The following PRKAA2 variants were observed in gnomAD, a reference collection of about 807,000 sequenced individuals.
PRKAA2 encodes the protein 5'-AMP-activated protein kinase catalytic subunit alpha-2.
A neutral mutation model predicts 56.3 loss-of-function variants in PRKAA2; 40 were observed. The ratio of observed to expected loss-of-function variants is 0.71; its 90% confidence interval spans 0.55 to 0.92. PRKAA2 has a LOEUF of 0.92. Among genes scored for constraint, PRKAA2 ranks in the 40% least tolerant of loss-of-function variants. The pLI is 0.00. For missense variants in PRKAA2, 542 were observed against 686.9 expected, an observed-to-expected ratio of 0.79 and a Z score of 2.36; for synonymous variants, 214 against 234.2, an observed-to-expected ratio of 0.91 and a Z score of 0.79.
At chr1:56,669,747 A>G (rs1380050582) in intron 1 of PRKAA2, among the ~76,000 whole-genome samples, 1 of 152,208 alleles carries the variant, frequency 6.6e-6, no homozygotes, top group East Asian at 1.9e-4. Flanking sequence ...GAAAAAAAGT[A>G]TATTCAGCAT....
intron 1 of PRKAA2, among the ~76,000 whole-genome samples, chr1:56,645,861 G>T (rs1325503611): frequency 6.6e-6 from 1 of 152,218 alleles, no homozygotes; most frequent in Non-Finnish European, 1.5e-5. Context: ...TGAGCCTGTA[G>T]GCTTAGGGCG....
chr1:56,665,894 C>T (rs1644032619), intron 1 of PRKAA2, among the ~76,000 whole-genome samples: 1 of 152,148 alleles, frequency 6.6e-6, no homozygotes, highest in African/African-American at 2.4e-5. Context: ...ATGCCCGGAC[C>T]TTGACTAAAT....
chr1:56,656,998 C>A (rs1643949534), intron 1 of PRKAA2, among the ~76,000 whole-genome samples: 2 of 152,104 alleles, frequency 1.3e-5, no homozygotes, highest in South Asian at 4.1e-4. Context: ...GAGATAATGG[C>A]AGAAAGTATT....
intron 1 of PRKAA2, among the ~76,000 whole-genome samples, chr1:56,658,512 T>C (rs1473248448): frequency 2.0e-5 from 3 of 151,730 alleles, no homozygotes; most frequent in African/African-American, 4.8e-5. Context: ...TGTTAAAGAG[T>C]CTACTGAATG....
At chr1:56,684,121 A>C (rs1644174698) in intron 2 of PRKAA2, among the ~76,000 whole-genome samples, 1 of 152,118 alleles carries the variant, frequency 6.6e-6, no homozygotes, top group South Asian at 2.1e-4. Flanking sequence ...ATAAAATGTG[A>C]GTTGTGAGAG....
chr1:56,661,238 A>G (rs1189762406), intron 1 of PRKAA2, among the ~76,000 whole-genome samples: 3 of 152,172 alleles, frequency 2.0e-5, no homozygotes, highest in East Asian at 1.9e-4. Context: ...GTATACTGGC[A>G]TCTTTTACGT....
chr1:56,684,647 T>C (rs546258247), intron 2 of PRKAA2, among the ~76,000 whole-genome samples: 153 of 152,204 alleles, frequency 1.0e-3, no homozygotes, highest in African/African-American at 3.6e-3. Context: ...CTGGTGAATA[T>C]TGAGTAAGAT....
At chr1:56,665,437 T>C (rs1027052351) in intron 1 of PRKAA2, among the ~76,000 whole-genome samples, 1 of 152,192 alleles carries the variant, frequency 6.6e-6, no homozygotes, top group Admixed American at 6.5e-5. Flanking sequence ...AGATCTTTGC[T>C]ACCTAAAGTT....
chr1:56,645,987 A>C (rs577742692), intron 1 of PRKAA2, among the ~76,000 whole-genome samples: 1 of 152,222 alleles, frequency 6.6e-6, no homozygotes, highest in South Asian at 2.1e-4. Context: ...TGTTGTCCTC[A>C]CCCTAAAGGT....
Position 56,709,522 on chromosome 1 carries a change from A to T in PRKAA2, c.*1809A>T, listed in dbSNP as rs1260524766. On this transcript the variant is annotated 3_prime_UTR_variant, in exon 9 of 9. Transcript: ENST00000371244. ...TTTTTACATGATTATTTGTATAGTGATAAGCAGTCCTGCTGTGTTAGCCTG... is the reference window on the plus strand; with the variant it reads ...TTTTTACATGATTATTTGTATAGTGTTAAGCAGTCCTGCTGTGTTAGCCTG... The T allele has an allele frequency of 6.6e-6, 1 of 152,166 alleles. No individual in the cohort carries two copies. The highest frequency in any genetic ancestry group is 1.5e-5 in the Non-Finnish European group (1 of 68,018). The allele number at this position is 152,166 out of a possible 1,614,324, so 9.4% of individuals were successfully genotyped here. A position where few individuals can be genotyped will look rare whatever the true frequency, so the allele number is the denominator to read the frequency against.
intron 2 of PRKAA2, among the ~76,000 whole-genome samples, chr1:56,689,893 C>G (rs11579325): frequency 0.45 from 41,984 of 92,470 alleles, 6,060 homozygotes; most frequent in Middle Eastern, 0.55. Flanking sequence ...AACACAGACA[C>G]ACAGACACAC....
At chr1:56,680,389 A>G (rs1644145066) in intron 2 of PRKAA2, among the ~76,000 whole-genome samples, 1 of 151,932 alleles carries the variant, frequency 6.6e-6, no homozygotes, top group Non-Finnish European at 1.5e-5. Context: ...TTTAAGTTCT[A>G]GGGCACATGT....
At chr1:56,655,280 A>ATATATTTTTTTTT in intron 1 of PRKAA2, among the ~76,000 whole-genome samples, 2 of 93,680 alleles carry the variant, frequency 2.1e-5, no homozygotes, top group Non-Finnish European at 3.9e-5. Context: ...ATATATATAT[A>ATATATTTTTTTTT]TTTTTTTTTT....
Position 56,645,318 on chromosome 1 carries a change from T to G in PRKAA2, c.-70T>G. 3.1e-6 allele frequency: 4 copies of G among 1,309,702 alleles called. No individual in the cohort carries two copies. The highest frequency in any genetic ancestry group is 4.4e-5 in the East Asian group (1 of 22,588). The allele number at this position is 1,309,702 out of a possible 1,614,324, so 81.1% of individuals were successfully genotyped here. A position where few individuals can be genotyped will look rare whatever the true frequency, so the allele number is the denominator to read the frequency against. ...CCCTCGCCCGCAGGGCCCGCTGCAC[T>G]GTGGGTAGGCGGCGGCGGCGGCGGC... On this transcript the variant is annotated 5_prime_UTR_variant, in exon 1 of 9. Coordinates refer to ENST00000371244, the MANE Select transcript of PRKAA2 (RefSeq NM_006252.4).
At position 56,684,896 on chromosome 1, in the gene PRKAA2, A is replaced by G. The variant is rs374597408; in HGVS notation, c.237-6498A>G. 1.3e-4 allele frequency among the ~76,000 whole-genome samples: 20 copies of G among 152,266 alleles called. 1 individual carries two copies. Among genetic ancestry groups the G allele is most frequent in the African/African-American group, 4.6e-4 (19 of 41,558 alleles). ...TTTTTAAAATGGGAGATATTGTAGA[A>G]TGTTGGTATGCCAAAAGGAGTGATT... On this transcript the variant is annotated intron_variant, in intron 2 of 8. Coordinates refer to ENST00000371244, the MANE Select transcript of PRKAA2 (RefSeq NM_006252.4).
At chr1:56,705,571 G>A (rs560187819) in intron 7 of PRKAA2, among the ~76,000 whole-genome samples, 2 of 151,712 alleles carry the variant, frequency 1.3e-5, no homozygotes, top group East Asian at 1.9e-4. Flanking sequence ...GATTTTTTTT[G>A]TATGTTTTTG....
chr1:56,662,163 G>A (rs1028826151), intron 1 of PRKAA2, among the ~76,000 whole-genome samples: 2 of 151,996 alleles, frequency 1.3e-5, no homozygotes, highest in Admixed American at 1.3e-4. Flanking sequence ...ATAGTCATTT[G>A]TCGTTCAAAA....
At chr1:56,705,956 G>T in intron 7 of PRKAA2, 136 bp from the exon 8 acceptor site, 1 of 701,514 alleles carries the variant, frequency 1.4e-6, no homozygotes. Flanking sequence ...AAATACTAAA[G>T]TGAACTACCA....
Position 56,696,094 on chromosome 1 carries a change from C to T in PRKAA2, c.723C>T (p.Val241=), listed in dbSNP as rs753291156. 8.1e-6 allele frequency: 13 copies of T among 1,613,190 alleles called. No individual in the cohort carries two copies. In the East Asian group the frequency reaches 1.1e-4, roughly 14 times the overall value. ...TCCCAGAATATCTCAATCGTTCTGT[C>T]GCCACTCTCCTGATGCATATGCTGC... The part of the protein sequence containing the change: ...FYIPEYLNRS[V]ATLLMHMLQV... Residue 241 remains valine (V), a synonymous_variant, in exon 6 of 9, where the codon GTC becomes GTT. Coordinates refer to ENST00000371244, the MANE Select transcript of PRKAA2 (RefSeq NM_006252.4).
Sources: allele counts gnomAD v4.1 joint callset (sites outside exome capture counted in the v4.1 genomes callset), GRCh38; gene constraint gnomAD v4.1.1; transcripts MANE v1.5; gene names NCBI Gene and HGNC (gene_info 2026-07-23, HGNC 2026-07-21).